The following EDIL3 variants were observed in gnomAD, a reference collection of about 807,000 sequenced individuals.
EDIL3 encodes the protein EGF like and discoidin domains 3.
A neutral mutation model predicts 67.4 loss-of-function variants in EDIL3; 37 were observed. The ratio of observed to expected loss-of-function variants is 0.55; its 90% CI spans 0.42 to 0.72. EDIL3 has a LOEUF of 0.72. EDIL3 is among the 30% of genes least tolerant of loss of function. The pLI is 0.00. For synonymous variants in EDIL3, 195 were observed against 196.3 expected, an observed-to-expected ratio of 0.99 and a Z score of 0.05; for missense variants, 527 against 586.3, an observed-to-expected ratio of 0.90 and a Z score of 1.04.
At chr5:84,017,159 T>TC (rs1280787211) in intron 9 of EDIL3, among the ~76,000 whole-genome samples, 1 of 152,128 alleles carries the variant, frequency 6.6e-6, no homozygotes, top group South Asian at 2.1e-4. Context: ...CTCTCATATT[T>TC]CCCCCCACAT....
intron 1 of EDIL3, among the ~76,000 whole-genome samples, chr5:84,382,776 G>A (rs2112227892): frequency 6.6e-6 from 1 of 152,280 alleles, no homozygotes; most frequent in East Asian, 1.9e-4. Flanking sequence ...CTTTAGTGGA[G>A]TGGCTGCCTT....
chr5:84,128,610 T>TG (rs1747908967), intron 5 of EDIL3, among the ~76,000 whole-genome samples: 1 of 152,130 alleles, frequency 6.6e-6, no homozygotes, highest in Admixed American at 6.6e-5. Flanking sequence ...GTTGTCCCCC[T>TG]GCTCCTTTTG....
At chr5:84,367,319 GC>G (rs1747759437) in intron 1 of EDIL3, among the ~76,000 whole-genome samples, 1 of 151,840 alleles carries the variant, frequency 6.6e-6, no homozygotes, top group Admixed American at 6.6e-5. Flanking sequence ...CACCTCCCAA[GC>G]TGGAATGCAG....
intron 1 of EDIL3, among the ~76,000 whole-genome samples, chr5:84,376,729 G>T (rs1358731764): frequency 6.6e-6 from 1 of 152,202 alleles, no homozygotes; most frequent in Admixed American, 6.5e-5. Flanking sequence ...GCAAACTGAT[G>T]GGGGTGGGTA....
chr5:84,176,340 A>G (rs1198574437), intron 4 of EDIL3, among the ~76,000 whole-genome samples: 1 of 146,592 alleles, frequency 6.8e-6, no homozygotes, highest in Non-Finnish European at 1.5e-5. Context: ...GGAGCCTTTT[A>G]TCTTGAGCTA....
rs200291882 is a variant in EDIL3 at position 84,154,556 on chromosome 5, GT to G, written c.356-17203del. 6.3e-3 allele frequency among the ~76,000 whole-genome samples: 947 copies of G among 149,686 alleles called. 3 individuals are homozygous for G. The highest frequency in any genetic ancestry group is 7.5e-3 in the African/African-American group (307 of 40,740). On this transcript the variant is annotated intron_variant, in intron 4 of 10. Transcript: ENST00000296591. ...ACACATTTAATGCTTCATATTTATA[GT>G]TTTTTTTTCTGGAATATTTAATTTT...
intron 4 of EDIL3, among the ~76,000 whole-genome samples, chr5:84,175,277 T>C (rs904791814): frequency 8.6e-5 from 13 of 151,598 alleles, no homozygotes; most frequent in Non-Finnish European, 1.6e-4. Flanking sequence ...GAATTAATGA[T>C]AAGAGGAATT....
At chr5:84,149,699 G>A (rs1748352872) in intron 4 of EDIL3, among the ~76,000 whole-genome samples, 1 of 151,822 alleles carries the variant, frequency 6.6e-6, no homozygotes, top group Non-Finnish European at 1.5e-5. Context: ...AAAATTAGCA[G>A]AGAAGTAATT....
At chr5:84,377,086 G>T (rs930278181) in intron 1 of EDIL3, among the ~76,000 whole-genome samples, 2 of 152,146 alleles carry the variant, frequency 1.3e-5, no homozygotes, top group Admixed American at 1.3e-4. Context: ...CAGCACTTTG[G>T]GAGGCCAAGG....
At chr5:84,007,716 G>A (rs1745443442) in intron 9 of EDIL3, among the ~76,000 whole-genome samples, 1 of 152,110 alleles carries the variant, frequency 6.6e-6, no homozygotes, top group Non-Finnish European at 1.5e-5. Context: ...AGAACAGTAT[G>A]GAGATTCTTC....
At chr5:84,320,055 A>G (rs554134005) in intron 1 of EDIL3, among the ~76,000 whole-genome samples, 7 of 152,212 alleles carry the variant, frequency 4.6e-5, no homozygotes, top group Middle Eastern at 3.4e-3. Context: ...AATGTAAATG[A>G]CGAGTTGATG....
rs185045383 is a variant in EDIL3, at chr5:84,311,548, G to T, written c.68-57336C>A. ...ATCTTAAACTGGTTATGGGTAGTAG[G>T]GTGTCCAGTTTTTTTTTTTATTTTT... On this transcript the variant is annotated intron_variant, in intron 1 of 10. Transcript: ENST00000296591. Among the ~76,000 whole-genome samples the T allele has an allele frequency of 5.2e-4, 79 of 151,708 alleles. No individual in the cohort carries two copies. In the East Asian group the frequency reaches 0.014, roughly 26 times the overall value.
chr5:84,288,957 A>G (rs970009468), intron 1 of EDIL3, among the ~76,000 whole-genome samples: 6 of 152,180 alleles, frequency 3.9e-5, no homozygotes, highest in Admixed American at 3.9e-4. Context: ...TTAAAGTTGA[A>G]TAAATAAATG....
In EDIL3 at chr5:83,983,183, C is replaced by T. The variant is rs1745000393; in HGVS notation, c.1138-19823G>A. ...TTTATAGTCTCTTTAGTATATCCTTCCACTATAGTACGTATCGCATTGGGT... is the reference window on the plus strand; with the variant it reads ...TTTATAGTCTCTTTAGTATATCCTTTCACTATAGTACGTATCGCATTGGGT... On this transcript the variant is annotated intron_variant, in intron 9 of 10. Transcript: ENST00000296591. 1.3e-5 allele frequency among the ~76,000 whole-genome samples: 2 copies of T among 152,100 alleles called. 1 individual carries two copies. The highest frequency in any genetic ancestry group is 4.1e-4 in the South Asian group (2 of 4,828).
intron 4 of EDIL3, among the ~76,000 whole-genome samples, chr5:84,163,863 A>C (rs1748656969): frequency 6.6e-6 from 1 of 152,120 alleles, no homozygotes. Flanking sequence ...CCTGTCATCA[A>C]AAGTATGATG....
chr5:84,315,368 A>G (rs1346828066), intron 1 of EDIL3, among the ~76,000 whole-genome samples: 2 of 152,204 alleles, frequency 1.3e-5, no homozygotes, highest in African/African-American at 4.8e-5. Context: ...ACAGATTTAG[A>G]TAACCTAAAT....
At chr5:84,308,004 T>A (rs1176826760) in intron 1 of EDIL3, among the ~76,000 whole-genome samples, 22 of 152,144 alleles carry the variant, frequency 1.4e-4, no homozygotes, top group Non-Finnish European at 1.5e-5. Flanking sequence ...GAAGCAATCA[T>A]GATTGGGTCT....
chr5:84,340,560 A>C, intron 1 of EDIL3, among the ~76,000 whole-genome samples: 1 of 132,910 alleles, frequency 7.5e-6, no homozygotes, highest in African/African-American at 2.7e-5. Context: ...ATATATATAT[A>C]TATATATATA....
chr5:84,037,637 C>A (rs1042882124), intron 9 of EDIL3, among the ~76,000 whole-genome samples: 71 of 152,130 alleles, frequency 4.7e-4, no homozygotes, highest in African/African-American at 1.7e-3. Context: ...ATATTTAAAT[C>A]TTATTAGCAT....
Sources: gnomAD v4.1 joint callset for allele counts (sites outside exome capture counted in the v4.1 genomes callset) on GRCh38, gnomAD v4.1.1 for gene constraint, MANE v1.5 for transcripts, NCBI Gene and HGNC (gene_info 2026-07-23, HGNC 2026-07-21) for gene names.